The following CRACDL variants were observed in gnomAD, a reference collection of about 807,000 sequenced individuals.
CRACDL encodes the protein CRACD like, also known as CRACD-like protein.
In CRACDL, 26 loss-of-function variants were observed where a neutral mutation model predicts 70.6. That is an observed-to-expected ratio of 0.37 (90% confidence interval 0.27 to 0.51). The LOEUF is 0.51. CRACDL is among the 20% of genes least tolerant of loss of function. CRACDL has a pLI of 0.94. For synonymous variants in CRACDL, 618 were observed against 615.2 expected (o/e 1.00, Z -0.07); for missense variants, 1,283 against 1,376.9 (o/e 0.93, Z 1.08).
At chr2:98,820,189 C>T (rs540979299) in intron 7 of CRACDL, among the ~76,000 whole-genome samples, 1 of 152,142 alleles carries the variant, frequency 6.6e-6, no homozygotes, top group South Asian at 2.1e-4. Flanking sequence ...GCACACACAA[C>T]TTATTTGTGT....
At chr2:98,883,346 C>T (rs1707708981) in intron 1 of CRACDL, among the ~76,000 whole-genome samples, 1 of 152,210 alleles carries the variant, frequency 6.6e-6, no homozygotes, top group South Asian at 2.1e-4. Flanking sequence ...TGGTGTTTCT[C>T]CCATCCACAT....
At chr2:98,920,830 C>T (rs1206834393) in intron 1 of CRACDL, among the ~76,000 whole-genome samples, 1 of 152,178 alleles carries the variant, frequency 6.6e-6, no homozygotes, top group Non-Finnish European at 1.5e-5. Flanking sequence ...GCACACCCCA[C>T]CATAAGTCAT....
intron 7 of CRACDL, among the ~76,000 whole-genome samples, chr2:98,816,273 T>C (rs1704780162): frequency 1.3e-5 from 2 of 152,212 alleles, no homozygotes; most frequent in African/African-American, 4.8e-5. Context: ...TAGGGTTTTA[T>C]GACGTATCAG....
At chr2:98,932,619 C>T (rs950353915) in intron 1 of CRACDL, among the ~76,000 whole-genome samples, 1 of 152,176 alleles carries the variant, frequency 6.6e-6, no homozygotes, top group Non-Finnish European at 1.5e-5. Context: ...ATTCAATCCC[C>T]GCAACGCCGC....
rs891630912 is a variant in CRACDL, at chr2:98,927,603, G to A, written c.-11+8335C>T. Reference sequence around the variant, plus strand: ...AGGAAATCTACTTAGGAGACGGTACGCAAAGGCACTGATCAGACAAAAGCG... The same window carrying A: ...AGGAAATCTACTTAGGAGACGGTACACAAAGGCACTGATCAGACAAAAGCG... On this transcript the variant is annotated intron_variant, in intron 1 of 9. Transcript: ENST00000397899. 7.2e-5 allele frequency among the ~76,000 whole-genome samples: 11 copies of A among 151,868 alleles called. 1 individual carries two copies. The South Asian group carries it at 2.1e-3, about 29-fold the overall frequency.
At chr2:98,905,774 T>C (rs897362925) in intron 1 of CRACDL, among the ~76,000 whole-genome samples, 1 of 152,130 alleles carries the variant, frequency 6.6e-6, no homozygotes, top group African/African-American at 2.4e-5. Context: ...CATGCCACCA[T>C]GCCTAGCTAA....
At chr2:98,813,844 G>C (rs1394936541) in intron 7 of CRACDL, among the ~76,000 whole-genome samples, 1 of 152,120 alleles carries the variant, frequency 6.6e-6, no homozygotes, top group Non-Finnish European at 1.5e-5. Context: ...CGTGAAAATG[G>C]AGTTTTCTGG....
intron 7 of CRACDL, among the ~76,000 whole-genome samples, chr2:98,818,443 G>GT (rs1297079024): frequency 6.6e-6 from 1 of 152,224 alleles, no homozygotes; most frequent in Admixed American, 6.5e-5. Flanking sequence ...GGACAAAGCA[G>GT]TTTGAGTGCC....
intron 1 of CRACDL, among the ~76,000 whole-genome samples, chr2:98,853,346 T>G (rs376755467): frequency 6.6e-6 from 1 of 152,166 alleles, no homozygotes; most frequent in East Asian, 1.9e-4. Flanking sequence ...AAAGTGCTGA[T>G]AGAAAACAAA....
intron 3 of CRACDL, among the ~76,000 whole-genome samples, 186 bp downstream of exon 3, chr2:98,837,933 T>G (rs1705866559): frequency 6.6e-6 from 1 of 152,186 alleles, no homozygotes; most frequent in Non-Finnish European, 1.5e-5. Flanking sequence ...ACAGTTATTG[T>G]GGACTTAAAC....
At chr2:98,827,875 A>AAGG (rs1490400719) in intron 5 of CRACDL, among the ~76,000 whole-genome samples, 1 of 152,140 alleles carries the variant, frequency 6.6e-6, no homozygotes, top group African/African-American at 2.4e-5. Context: ...CAGAGGTGTG[A>AAGG]CTTTAGAGGC....
At chr2:98,910,918 C>T (rs1708532370) in intron 1 of CRACDL, among the ~76,000 whole-genome samples, 2 of 152,194 alleles carry the variant, frequency 1.3e-5, no homozygotes, top group African/African-American at 4.8e-5. Flanking sequence ...GGAATTACCA[C>T]TCAGTAAAAG....
At chr2:98,799,668 C>G (rs1196810975) in intron 7 of CRACDL, among the ~76,000 whole-genome samples, 1 of 152,216 alleles carries the variant, frequency 6.6e-6, no homozygotes, top group Non-Finnish European at 1.5e-5. Flanking sequence ...TCTCCCTCCT[C>G]CTCTACCCTT....
At chr2:98,916,908 T>C (rs1708680226) in intron 1 of CRACDL, among the ~76,000 whole-genome samples, 1 of 152,350 alleles carries the variant, frequency 6.6e-6, no homozygotes, top group East Asian at 1.9e-4. Flanking sequence ...AACCATCTCC[T>C]TTGCTAAACT....
At chr2:98,891,993 T>C (rs1487023554) in intron 1 of CRACDL, among the ~76,000 whole-genome samples, 2 of 152,168 alleles carry the variant, frequency 1.3e-5, no homozygotes, top group African/African-American at 4.8e-5. Context: ...TACTGAAAAC[T>C]AAATGTAACA....
At chr2:98,872,745 G>A (rs750160249) in intron 1 of CRACDL, among the ~76,000 whole-genome samples, 24 of 152,220 alleles carry the variant, frequency 1.6e-4, no homozygotes, top group Non-Finnish European at 2.4e-4. Context: ...GATGCTGCCC[G>A]TGGACCTTCC....
At chr2:98,844,867 C>T (rs1410667551) in intron 2 of CRACDL, among the ~76,000 whole-genome samples, 3 of 152,186 alleles carry the variant, frequency 2.0e-5, no homozygotes, top group African/African-American at 4.8e-5. Context: ...AGTCTAGAAG[C>T]AATATTAATC....
At chr2:98,829,132 G>A (rs1705435916) in intron 5 of CRACDL, among the ~76,000 whole-genome samples, 1 of 152,214 alleles carries the variant, frequency 6.6e-6, no homozygotes, top group Non-Finnish European at 1.5e-5. Context: ...TAATACCCCT[G>A]ACCACTCCTC....
intron 1 of CRACDL, among the ~76,000 whole-genome samples, chr2:98,861,432 A>G (rs915541304): frequency 3.9e-5 from 6 of 152,332 alleles, no homozygotes; most frequent in Admixed American, 2.6e-4. Context: ...GATAATAACA[A>G]GCGTTGCAAG....
Sources: allele counts gnomAD v4.1 joint callset (sites outside exome capture counted in the v4.1 genomes callset), GRCh38; gene constraint gnomAD v4.1.1; transcripts MANE v1.5; gene names NCBI Gene and HGNC (gene_info 2026-07-23, HGNC 2026-07-21).